Variants in FAM124B observed in about 807,000 individuals in gnomAD.
The protein encoded by FAM124B is family with sequence similarity 124 member B, also known as protein FAM124B.
A neutral mutation model predicts 19.7 loss-of-function variants in FAM124B; 18 were observed. The observed-to-expected ratio is 0.92, with a 90% confidence interval of 0.63 to 1.36. The LOEUF is 1.36. Among genes scored for constraint, FAM124B ranks in the 40% most tolerant of loss-of-function variants. The pLI is 0.00. For missense variants in FAM124B, 540 were observed against 553.3 expected (o/e 0.98, Z 0.24); for synonymous variants, 223 against 225.2 (o/e 0.99, Z 0.09).
chr2:224,383,954 T>C (rs1689763197), intron 1 of FAM124B, among the ~76,000 whole-genome samples: 1 of 152,236 alleles, frequency 6.6e-6, no homozygotes, highest in Non-Finnish European at 1.5e-5. Flanking sequence ...AATCAATAAC[T>C]TTGACTCTGG....
At chr2:224,396,745 G>C (rs552016686) in intron 1 of FAM124B, among the ~76,000 whole-genome samples, 169 of 152,340 alleles carry the variant, frequency 1.1e-3, no homozygotes, top group African/African-American at 3.8e-3. Flanking sequence ...ATTTAGAGAA[G>C]AGAATCTGAT....
At position 224,401,843 on chromosome 2, in the gene FAM124B, A is replaced by G; in HGVS notation, c.-75T>C. 7 of 1,518,232 alleles carry G rather than the reference A, an allele frequency of 4.6e-6. No homozygotes were observed. The highest frequency in any genetic ancestry group is 6.2e-6 in the Non-Finnish European group (7 of 1,129,828). The allele number at this position is 1,518,232 out of a possible 1,614,324, so 94.0% of individuals were successfully genotyped here. On this transcript the variant is annotated 5_prime_UTR_variant, in exon 1 of 2. Coordinates refer to ENST00000409685, the MANE Select transcript of FAM124B (RefSeq NM_001122779.2). ...GTTCAAGTTTCTGAAATGAATGAAG[A>G]AGCGGCCCAGCCTTCAGCCCGCCTG... is the stretch of plus-strand genomic sequence containing the variant.
chr2:224,381,524 G>T (rs1454790323), intron 1 of FAM124B, among the ~76,000 whole-genome samples: 1 of 151,420 alleles, frequency 6.6e-6, no homozygotes, highest in African/African-American at 2.4e-5. Context: ...GTTGCCAGGG[G>T]TTGGGGGGAG....
chr2:224,380,133 T>A lies in FAM124B; in HGVS notation c.808A>T (p.Thr270Ser). Residue 270 changes from threonine to serine, a missense_variant, in exon 2 of 2, where the codon ACT (threonine) becomes TCT (serine). Thr to Ser is a moderately conservative substitution (Grantham distance 58). Transcript: ENST00000409685. ...AGMLPLGSRL[T>S]SVSAKRTSEP... The stretch of plus-strand genomic sequence containing the variant: ...GAGGTCCTCTTTGCAGAGACAGAAG[T>A]CAGCCTGGAGCCCAGGGGAAGCATG... 6.4e-7 allele frequency: 1 copy of A among 1,551,652 alleles called. No individual in the cohort carries two copies. The highest frequency in any genetic ancestry group is 8.7e-7 in the Non-Finnish European group (1 of 1,146,982).
intron 1 of FAM124B, among the ~76,000 whole-genome samples, chr2:224,398,137 A>G (rs1690005040): frequency 6.6e-6 from 1 of 152,162 alleles, no homozygotes; most frequent in Admixed American, 6.5e-5. Flanking sequence ...TTGCTCTGTC[A>G]TCTAGGCTGG....
Position 224,379,734 on chromosome 2 carries a change from C to A in FAM124B, c.1207G>T (p.Ala403Ser). The A allele has an allele frequency of 4.5e-6, 7 of 1,551,606 alleles. No individual in the cohort carries two copies. Among genetic ancestry groups the A allele is most frequent in the African/African-American group, 1.4e-5 (1 of 73,126 alleles). ...AGGACACTGTTGTTTTTGGAGGTAGCCACCCCCAAGGAAGAGGCTGGCAAG... is the reference window on the plus strand; with the variant it reads ...AGGACACTGTTGTTTTTGGAGGTAGACACCCCCAAGGAAGAGGCTGGCAAG... ...FCLPASSLGVATSKNNSVLKE... is the reference protein window; with the variant it reads ...FCLPASSLGVSTSKNNSVLKE... The change falls in exon 2 of 2, where the codon GCT becomes TCT. Residue 403 changes from alanine (A) to serine (S), a missense_variant. Physicochemically the swap from Ala to Ser is moderately conservative, Grantham distance 99. Coordinates refer to ENST00000409685, the MANE Select transcript of FAM124B (RefSeq NM_001122779.2).
rs917636634 is a variant in FAM124B, at chr2:224,399,043, T to C, written c.732+1994A>G. Among the ~76,000 whole-genome samples the C allele has an allele frequency of 2.0e-5, 3 of 152,182 alleles. No individual in the cohort carries two copies. In the East Asian group the frequency reaches 5.8e-4, roughly 29 times the overall value. The stretch of plus-strand genomic sequence containing the variant: ...AGAAGTGGCCAGGCTCCTGGGACAA[T>C]CCAGAGAGGAAGAGGGCTCTTTTCA... On this transcript the variant is annotated intron_variant, in intron 1 of 1. Coordinates refer to ENST00000409685, the MANE Select transcript of FAM124B (RefSeq NM_001122779.2).
intron 1 of FAM124B, among the ~76,000 whole-genome samples, chr2:224,381,138 T>A (rs1417346486): frequency 6.6e-6 from 1 of 152,164 alleles, no homozygotes; most frequent in Non-Finnish European, 1.5e-5. Flanking sequence ...TCAAGAAGAA[T>A]GATACGGAAG....
intron 1 of FAM124B, among the ~76,000 whole-genome samples, chr2:224,387,177 T>A (rs1416793894): frequency 6.6e-6 from 1 of 152,248 alleles, no homozygotes; most frequent in Non-Finnish European, 1.5e-5. Flanking sequence ...TTGTAGGAAT[T>A]CTGATCATTT....
At chr2:224,399,236 A>G (rs2106089730) in intron 1 of FAM124B, among the ~76,000 whole-genome samples, 1 of 152,324 alleles carries the variant, frequency 6.6e-6, no homozygotes, top group South Asian at 2.1e-4. Flanking sequence ...GCACACACAC[A>G]TTACATTTTT....
At chr2:224,391,422 AG>A (rs1390116045) in intron 1 of FAM124B, among the ~76,000 whole-genome samples, 3 of 152,072 alleles carry the variant, frequency 2.0e-5, no homozygotes, top group Non-Finnish European at 4.4e-5. Flanking sequence ...CTTATCCAGT[AG>A]GTTACTCTTA....
Position 224,384,819 on chromosome 2 carries a change from A to C in FAM124B, c.733-4611T>G, listed in dbSNP as rs371182727. ...GAAAGTGACCGGTCCCTGGGCCAAGACTCCCATCACCTCCCGCCTTCTTGG... is the reference window on the plus strand; with the variant it reads ...GAAAGTGACCGGTCCCTGGGCCAAGCCTCCCATCACCTCCCGCCTTCTTGG... On this transcript the variant is annotated intron_variant, in intron 1 of 1. Coordinates refer to ENST00000409685, the MANE Select transcript of FAM124B (RefSeq NM_001122779.2). Among the ~76,000 whole-genome samples the C allele has an allele frequency of 3.3e-5, 5 of 151,706 alleles. No homozygotes were observed. In the East Asian group the frequency reaches 7.8e-4, roughly 24 times the overall value.
At chr2:224,383,608 C>A (rs75599117) in intron 1 of FAM124B, among the ~76,000 whole-genome samples, 1 of 152,032 alleles carries the variant, frequency 6.6e-6, no homozygotes, top group African/African-American at 2.4e-5. Context: ...AAAGTAAAGC[C>A]TTCTCCCTAT....
chr2:224,392,258 C>G (rs566524458), intron 1 of FAM124B, among the ~76,000 whole-genome samples: 27 of 152,100 alleles, frequency 1.8e-4, no homozygotes, highest in Non-Finnish European at 3.7e-4. Flanking sequence ...GACTGGGCAA[C>G]ATAGCAAGAC....
At chr2:224,397,933 A>C (rs974038571) in intron 1 of FAM124B, among the ~76,000 whole-genome samples, 4 of 152,168 alleles carry the variant, frequency 2.6e-5, no homozygotes, top group African/African-American at 9.7e-5. Flanking sequence ...TAAAAACAAG[A>C]GTTTTCTGCA....
Position 224,401,435 on chromosome 2 carries a change from C to CA in FAM124B, c.333dup (p.Ala112CysfsTer36). On this transcript the variant is annotated frameshift_variant, in exon 1 of 2. Coordinates refer to ENST00000409685, the MANE Select transcript of FAM124B (RefSeq NM_001122779.2). LOFTEE classifies it high-confidence loss of function. Reference sequence around the variant, plus strand: ...TCCAGGCTGTAGAACTCCTGATTGGCAAAAAAGTAGGGACACAGCCTTCCC... The same window carrying CA: ...TCCAGGCTGTAGAACTCCTGATTGGCAAAAAAAGTAGGGACACAGCCTTCCC... 1 of 1,613,866 alleles carries CA rather than the reference C, an allele frequency of 6.2e-7. No individual in the cohort carries two copies. Among genetic ancestry groups the CA allele is most frequent in the Non-Finnish European group, 8.5e-7 (1 of 1,179,930 alleles).
chr2:224,388,642 G>C (rs957146107), intron 1 of FAM124B, among the ~76,000 whole-genome samples: 2 of 152,212 alleles, frequency 1.3e-5, no homozygotes, highest in African/African-American at 4.8e-5. Context: ...ATGTATAGTG[G>C]TGATGGTCTC....
At chr2:224,389,183 C>T (rs999545672) in intron 1 of FAM124B, among the ~76,000 whole-genome samples, 4 of 152,170 alleles carry the variant, frequency 2.6e-5, no homozygotes, top group African/African-American at 9.7e-5. Flanking sequence ...CCGCCTGCCT[C>T]GGCCTCCCAA....
intron 1 of FAM124B, 102 bp downstream of exon 1, chr2:224,400,935 T>A: frequency 7.0e-7 from 1 of 1,429,432 alleles, no homozygotes. Context: ...TAAGGGACGC[T>A]AATATGCAAC....
Sources: allele counts gnomAD v4.1 joint callset (sites outside exome capture counted in the v4.1 genomes callset), GRCh38; gene constraint gnomAD v4.1.1; transcripts MANE v1.5; gene names NCBI Gene and HGNC (gene_info 2026-07-23, HGNC 2026-07-21).